Variants in KIF13A observed in about 807,000 individuals in gnomAD.
KIF13A encodes kinesin family member 13A.
Under a neutral mutation model 212.2 loss-of-function variants are expected in KIF13A, and 79 were observed. The observed-to-expected ratio is 0.37, with a 90% confidence interval of 0.31 to 0.45. KIF13A has a LOEUF of 0.45. KIF13A is among the 20% of genes least tolerant of loss of function. The pLI is 1.00. For synonymous variants in KIF13A, 789 were observed against 808.6 expected, an observed-to-expected ratio of 0.98 and a Z score of 0.41; for missense variants, 1,901 against 2,209.0, an observed-to-expected ratio of 0.86 and a Z score of 2.79.
intron 2 of KIF13A, among the ~76,000 whole-genome samples, chr6:17,948,721 C>T (rs576869918): frequency 2.0e-5 from 3 of 151,758 alleles, no homozygotes; most frequent in East Asian, 3.9e-4. Context: ...CCACCATGCC[C>T]GGCTAATTTT....
At chr6:17,774,564 A>G (rs146903007) in intron 35 of KIF13A, among the ~76,000 whole-genome samples, 4,415 of 152,286 alleles carry the variant, frequency 0.029, 153 homozygotes, top group African/African-American at 0.077. Context: ...ACCTGAGGTC[A>G]GAAGTTCGAG....
rs376475593 is a variant in KIF13A at position 17,838,320 on chromosome 6, C to CAA, written c.831-739_831-738dup. 4.7e-5 allele frequency among the ~76,000 whole-genome samples: 6 copies of CAA among 127,958 alleles called. No homozygotes were observed. Among genetic ancestry groups the CAA allele is most frequent in the African/African-American group, 5.7e-5 (2 of 34,858 alleles). The allele number at this position is 127,958 out of a possible 152,430, so 83.9% of individuals were successfully genotyped here. A position where few individuals can be genotyped will look rare whatever the true frequency, so the allele number is the denominator to read the frequency against. On this transcript the variant is annotated intron_variant, in intron 9 of 38. Transcript: ENST00000259711. This position sits in a 1 kb window ranked among gnomAD's most constrained non-coding sequence, Gnocchi z 4.2. Reference sequence around the variant, plus strand: ...TGGGCGACAGAGCAAGACTCCATCTCAAAAAAAAAAAAAAGTTAAATGCTA... The same window carrying CAA: ...TGGGCGACAGAGCAAGACTCCATCTCAAAAAAAAAAAAAAAAGTTAAATGCTA...
rs113327367 is a variant in KIF13A, at chr6:17,864,760, G to A, written c.220+8617C>T. Among the ~76,000 whole-genome samples, 229 of 152,306 alleles carry A rather than the reference G, an allele frequency of 1.5e-3. 1 individual carries two copies. Among genetic ancestry groups the A allele is most frequent in the African/African-American group, 5.1e-3 (210 of 41,570 alleles). On this transcript the variant is annotated intron_variant, in intron 4 of 38. Transcript: ENST00000259711. ...GAGCCTCCCACCTTGGCCTCACAAA[G>A]TGCTGGAATTATAGTCATTGTACCC... is the stretch of plus-strand genomic sequence containing the variant.
chr6:17,874,283 G>GTTTTT (rs67558921), intron 3 of KIF13A, among the ~76,000 whole-genome samples: 34 of 147,986 alleles, frequency 2.3e-4, no homozygotes, highest in African/African-American at 4.4e-4. Context: ...TTTTGTTTTT[G>GTTTTT]TTTTTTGGTG....
intron 3 of KIF13A, chr6:17,882,280 T>G (rs969504230): frequency 2.1e-5 from 6 of 286,782 alleles, no homozygotes; most frequent in African/African-American, 1.1e-4. Flanking sequence ...AAGTATGTAC[T>G]AGGCATGTTT....
rs116463915 is a variant in KIF13A, at chr6:17,944,166, G to A, written c.146+42888C>T. Among the ~76,000 whole-genome samples the A allele has an allele frequency of 7.8e-3, 1,183 of 152,166 alleles. 19 individuals carry two copies. Among genetic ancestry groups the A allele is most frequent in the African/African-American group, 0.026 (1,064 of 41,496 alleles). Reference sequence around the variant, plus strand: ...ACATGTGAGCCTTACCGCCTTTACCGCTGACATCCTCTGAGAAATCACAAA... The same window carrying A: ...ACATGTGAGCCTTACCGCCTTTACCACTGACATCCTCTGAGAAATCACAAA... On this transcript the variant is annotated intron_variant, in intron 2 of 38. Transcript: ENST00000259711.
intron 2 of KIF13A, among the ~76,000 whole-genome samples, chr6:17,937,900 C>T (rs530796358): frequency 6.6e-6 from 1 of 152,292 alleles, no homozygotes; most frequent in Admixed American, 6.5e-5. Flanking sequence ...AGGCGTGCAA[C>T]ACCACGCCCG....
At position 17,918,699 on chromosome 6, in the gene KIF13A, C is replaced by T. The variant is rs115010848; in HGVS notation, c.147-20519G>A. On this transcript the variant is annotated intron_variant, in intron 2 of 38. Coordinates refer to ENST00000259711, the MANE Select transcript of KIF13A (RefSeq NM_022113.6). The surrounding 1 kb of genome is among the most constrained non-coding windows in gnomAD (Gnocchi z 4.8). The stretch of plus-strand genomic sequence containing the variant: ...CCCCAGGCATCTGCACAAGAAGCTC[C>T]CTCTGCCTGGAAAGCCCTCTCCAGG... Among the ~76,000 whole-genome samples, 3 of 152,246 alleles carry T rather than the reference C, an allele frequency of 2.0e-5. 1 individual carries two copies. Among genetic ancestry groups the T allele is most frequent in the Admixed American group, 1.3e-4 (2 of 15,298 alleles).
chr6:17,882,689 G>A (rs1489974726), intron 3 of KIF13A, among the ~76,000 whole-genome samples: 2 of 151,876 alleles, frequency 1.3e-5, no homozygotes, highest in African/African-American at 2.4e-5. Flanking sequence ...AGCCTCCTGA[G>A]TAGCTGGGAC....
Position 17,961,772 on chromosome 6 carries a change from CAT to C in KIF13A, c.146+25280_146+25281del, listed in dbSNP as rs1380118142. 6.6e-6 allele frequency among the ~76,000 whole-genome samples: 1 copy of C among 152,182 alleles called. No homozygotes were observed. Among genetic ancestry groups the C allele is most frequent in the Non-Finnish European group, 1.5e-5 (1 of 68,036 alleles). ...GTAAGATGTCCACCTCCAGCAACGA[CAT>C]AGACTGCAGCGCACACCAGGCGTCT... On this transcript the variant is annotated intron_variant, in intron 2 of 38. Coordinates refer to ENST00000259711, the MANE Select transcript of KIF13A (RefSeq NM_022113.6). This position sits in a 1 kb window ranked among gnomAD's most constrained non-coding sequence, Gnocchi z 4.1.
At chr6:17,770,859 A>G in intron 38 of KIF13A, 1 of 617,340 alleles carries the variant, frequency 1.6e-6, no homozygotes, top group Non-Finnish European at 2.3e-6. Context: ...CTTTTTATAA[A>G]GGCCAGAAGC....
chr6:17,972,173 C>T (rs1486002541), intron 2 of KIF13A, among the ~76,000 whole-genome samples: 5 of 152,194 alleles, frequency 3.3e-5, no homozygotes. Flanking sequence ...TCAAATTTAA[C>T]ACCGTTATCT....
chr6:17,923,339 G>T (rs1215244960), intron 2 of KIF13A, among the ~76,000 whole-genome samples: 1 of 151,730 alleles, frequency 6.6e-6, no homozygotes, highest in Non-Finnish European at 1.5e-5. Flanking sequence ...AGTAAGCAGT[G>T]ATTCTCTCCA....
chr6:17,851,280 T>A (rs1435386626), intron 7 of KIF13A, among the ~76,000 whole-genome samples: 2 of 152,190 alleles, frequency 1.3e-5, no homozygotes, highest in Non-Finnish European at 2.9e-5. Context: ...ACTGCACAGA[T>A]TAGTTTTAGC....
intron 2 of KIF13A, among the ~76,000 whole-genome samples, chr6:17,978,832 GA>G (rs1384368205): frequency 6.6e-6 from 1 of 152,086 alleles, no homozygotes; most frequent in Non-Finnish European, 1.5e-5. Flanking sequence ...TTTCTAGCTG[GA>G]TTTCACCACC....
chr6:17,933,404 A>ATTTTT (rs11377627), intron 2 of KIF13A, among the ~76,000 whole-genome samples: 5 of 114,600 alleles, frequency 4.4e-5, no homozygotes, highest in Non-Finnish European at 5.2e-5. Flanking sequence ...CACCCAGCTC[A>ATTTTT]TTTTTTTTTT....
At chr6:17,881,839 T>C (rs1771095180) in intron 3 of KIF13A, 2 of 351,112 alleles carry the variant, frequency 5.7e-6, no homozygotes, top group South Asian at 2.2e-5. Flanking sequence ...CTACTGAAAA[T>C]ACAAAAATTA....
In KIF13A at chr6:17,982,172, C is replaced by T. The variant is rs1296236594; in HGVS notation, c.146+4882G>A. On this transcript the variant is annotated intron_variant, in intron 2 of 38. Transcript: ENST00000259711. This position sits in a 1 kb window ranked among gnomAD's most constrained non-coding sequence, Gnocchi z 5.1. The stretch of plus-strand genomic sequence containing the variant: ...GTGCAATGGCTCGATCTCAGCTCAC[C>T]GCAACCTCGGCCTCCTGGGTTCAAG... Among the ~76,000 whole-genome samples, 4 of 151,928 alleles carry T rather than the reference C, an allele frequency of 2.6e-5. No individual in the cohort carries two copies. Among genetic ancestry groups the T allele is most frequent in the Non-Finnish European group, 4.4e-5 (3 of 67,998 alleles).
rs533062184 is a variant in KIF13A, at chr6:17,883,860, T to C, written c.160-10423A>G. ...TGAGCCTGGGAGTTTGAGGCTGCAA[T>C]GAGCTATGATCACACCTGTGAATAG... On this transcript the variant is annotated intron_variant, in intron 3 of 38. Transcript: ENST00000259711. This position sits in a 1 kb window ranked among gnomAD's most constrained non-coding sequence, Gnocchi z 4.8. Among the ~76,000 whole-genome samples the C allele has an allele frequency of 6.6e-5, 10 of 152,108 alleles. No individual in the cohort carries two copies.
Sources: allele counts gnomAD v4.1 joint callset (sites outside exome capture counted in the v4.1 genomes callset), GRCh38; gene constraint gnomAD v4.1.1; non-coding constraint Gnocchi (gnomAD v3.1); transcripts MANE v1.5; gene names NCBI Gene and HGNC (gene_info 2026-07-23, HGNC 2026-07-21).